Variants in KHSRP observed in about 807,000 individuals in gnomAD.
KHSRP encodes KH-type splicing regulatory protein, also known as far upstream element-binding protein 2.
A neutral mutation model predicts 94.9 loss-of-function variants in KHSRP; 13 were observed. The ratio of observed to expected loss-of-function variants is 0.14; its 90% CI spans 0.09 to 0.22. The LOEUF (loss-of-function observed/expected upper bound fraction) is 0.22, where lower values mean the gene tolerates loss of function less well. KHSRP is among the 10% of genes least tolerant of loss of function. KHSRP has a pLI of 1.00. For synonymous variants in KHSRP, 495 were observed against 401.4 expected (o/e 1.23, Z -2.79); for missense variants, 710 against 1,010.0 (o/e 0.70, Z 4.03).
chr19:6,422,052 C>A (rs1012503853), intron 2 of KHSRP, among the ~76,000 whole-genome samples: 2 of 152,190 alleles, frequency 1.3e-5, no homozygotes, highest in Non-Finnish European at 2.9e-5. Context: ...GCCAACTTCA[C>A]ATCAAGCCTC....
intron 2 of KHSRP, among the ~76,000 whole-genome samples, chr19:6,422,129 G>A (rs970940254): frequency 6.6e-6 from 1 of 152,136 alleles, no homozygotes; most frequent in African/African-American, 2.4e-5. Flanking sequence ...TTACAACTTC[G>A]ACCCAGTCAC....
At chr19:6,422,577 G>C (rs2092201620) in intron 1 of KHSRP, 141 bp from the exon 2 acceptor site, 1 of 630,472 alleles carries the variant, frequency 1.6e-6, no homozygotes. Flanking sequence ...GGAAGAGTCA[G>C]TTGGTTAAGA....
At position 6,414,736 on chromosome 19, in the gene KHSRP, G is replaced by T; in HGVS notation, c.*288C>A. ...AAAACCAAAAAAGTGATGCAGAGAA[G>T]GGGAAAAAATAGACGTTTTCTTCCC... is the stretch of plus-strand genomic sequence containing the variant. On this transcript the variant is annotated 3_prime_UTR_variant, in exon 19 of 19. Coordinates refer to ENST00000600480, the MANE Select transcript of KHSRP (RefSeq NM_001366299.1). 1 of 1,061,196 alleles carries T rather than the reference G, an allele frequency of 9.4e-7. No homozygotes were observed. Among genetic ancestry groups the T allele is most frequent in the Non-Finnish European group, 1.1e-6 (1 of 879,440 alleles). 65.7% of individuals were successfully genotyped at this position (1,061,196 alleles called of 1,614,324 possible). A position where few individuals can be genotyped will look rare whatever the true frequency, so the allele number is the denominator to read the frequency against.
chr19:6,420,196 AG>A, intron 5 of KHSRP, 52 bp from the exon 6 acceptor site: 2 of 1,503,810 alleles, frequency 1.3e-6, no homozygotes, highest in Non-Finnish European at 1.8e-6. Flanking sequence ...AAGGGAGCCC[AG>A]GCCTCAGGAG....
At position 6,414,205 on chromosome 19, in the gene KHSRP, A is replaced by G. The variant is rs781746819; in HGVS notation, c.*819T>C. 1.3e-6 allele frequency: 2 copies of G among 1,519,434 alleles called. No homozygotes were observed. Among genetic ancestry groups the G allele is most frequent in the Admixed American group, 4.6e-5 (2 of 43,470 alleles). 94.1% of individuals were successfully genotyped at this position (1,519,434 alleles called of 1,614,324 possible). The stretch of plus-strand genomic sequence containing the variant: ...GGGGCGGAAGAGAGGAGGGGCTGGA[A>G]CACCGTGGGGGGGGCCAGGAAGCCC... On this transcript the variant is annotated 3_prime_UTR_variant, in exon 19 of 19. Transcript: ENST00000600480.
intron 18 of KHSRP, 24 bp downstream of exon 18, chr19:6,415,356 T>C (rs764696482): frequency 9.9e-6 from 16 of 1,610,416 alleles, no homozygotes; most frequent in South Asian, 6.6e-5. Context: ...CCCCTGCCCC[T>C]GTCCCCGCAT....
In KHSRP at chr19:6,414,215, G is replaced by C; in HGVS notation, c.*809C>G. ...AGAGGAGGGGCTGGAACACCGTGGG[G>C]GGGGCCAGGAAGCCCCCTCCCAAAC... On this transcript the variant is annotated 3_prime_UTR_variant, in exon 19 of 19. Coordinates refer to ENST00000600480, the MANE Select transcript of KHSRP (RefSeq NM_001366299.1). The C allele has an allele frequency of 1.3e-6, 2 of 1,528,144 alleles. No homozygotes were observed. Among genetic ancestry groups the C allele is most frequent in the South Asian group, 2.5e-5 (2 of 80,646 alleles). The allele number at this position is 1,528,144 out of a possible 1,614,324, so 94.7% of individuals were successfully genotyped here. A position where few individuals can be genotyped will look rare whatever the true frequency, so the allele number is the denominator to read the frequency against.
Position 6,418,628 on chromosome 19 carries a change from C to A in KHSRP, c.781-47G>T, listed in dbSNP as rs572793705. 1.1e-5 allele frequency: 17 copies of A among 1,613,006 alleles called. No individual in the cohort carries two copies. The highest frequency in any genetic ancestry group is 1.4e-5 in the Non-Finnish European group (17 of 1,178,978). On this transcript the variant is annotated intron_variant, in intron 8 of 18. Coordinates refer to ENST00000600480, the MANE Select transcript of KHSRP (RefSeq NM_001366299.1). This position sits in a 1 kb window ranked among gnomAD's most constrained non-coding sequence, Gnocchi z 4.3. The stretch of plus-strand genomic sequence containing the variant: ...TTAGTGCTGGGCTCTCCCAGGACTT[C>A]CTGGGCTGCTGTGGTGGTGGCGGTG...
At position 6,413,331 on chromosome 19, in the gene KHSRP, C is replaced by T. The variant is rs1386573162; in HGVS notation, c.*1693G>A. The T allele has an allele frequency of 9.2e-6, 3 of 324,574 alleles. No homozygotes were observed. The highest frequency in any genetic ancestry group is 2.2e-5 in the South Asian group (1 of 44,944). 20.1% of individuals were successfully genotyped at this position (324,574 alleles called of 1,614,324 possible). On this transcript the variant is annotated 3_prime_UTR_variant, in exon 19 of 19. Transcript: ENST00000600480. Reference sequence around the variant, plus strand: ...AGGGAAGGAAAGGGGGGGAGACAGACAGCACCCGCAGACGGGGAGGTTTTG... The same window carrying T: ...AGGGAAGGAAAGGGGGGGAGACAGATAGCACCCGCAGACGGGGAGGTTTTG...
chr19:6,421,584 C>T, intron 3 of KHSRP, 66 bp downstream of exon 3: 1 of 1,557,652 alleles, frequency 6.4e-7, no homozygotes, highest in Non-Finnish European at 8.9e-7. Flanking sequence ...GTGCTTCCAG[C>T]TCCTGACTCC....
chr19:6,414,439 CG>C lies in KHSRP; in HGVS notation c.*584del. ...GAGGGCGGTGGCTCCCGGCGCAGCA[CG>C]ACGACATGAACAATCCAGAGATCAT... is the stretch of plus-strand genomic sequence containing the variant. On this transcript the variant is annotated 3_prime_UTR_variant, in exon 19 of 19. Transcript: ENST00000600480. 1 of 1,243,220 alleles carries C rather than the reference CG, an allele frequency of 8.0e-7. No homozygotes were observed. Among genetic ancestry groups the C allele is most frequent in the Non-Finnish European group, 1.0e-6 (1 of 990,022 alleles). The allele number at this position is 1,243,220 out of a possible 1,614,324, so 77.0% of individuals were successfully genotyped here. A position where few individuals can be genotyped will look rare whatever the true frequency, so the allele number is the denominator to read the frequency against.
rs772111382 is a variant in KHSRP, at chr19:6,414,339, G to T, written c.*685C>A. On this transcript the variant is annotated 3_prime_UTR_variant, in exon 19 of 19. Transcript: ENST00000600480. ...CGCTGCTCCCTGATGGAGAAGGAGG[G>T]ACAGAGCAGGAAGAGAGGAGAGGGG... 8 of 1,400,164 alleles carry T rather than the reference G, an allele frequency of 5.7e-6. No homozygotes were observed. Among genetic ancestry groups the T allele is most frequent in the Non-Finnish European group, 7.5e-6 (8 of 1,072,712 alleles). The allele number at this position is 1,400,164 out of a possible 1,614,324, so 86.7% of individuals were successfully genotyped here.
rs774294092 is a variant in KHSRP at position 6,418,851 on chromosome 19, T to C, written c.631A>G (p.Ile211Val). The part of the protein sequence containing the change: ...VQKAKMMLDD[I>V]VSRGRGGPPG... ...GGGCCCCCACGACCCCGAGACACAA[T>C]GTCATCCAGCATCATCTTGGCTTTC... Residue 211 changes from isoleucine (I) to valine (V), a missense_variant, in exon 8 of 19, where the codon ATT becomes GTT. Ile to Val is a conservative substitution (Grantham distance 29). This residue lies in a region of KHSRP where 288 missense variants were observed against 501.1 expected (regional missense o/e 0.57). Coordinates refer to ENST00000600480, the MANE Select transcript of KHSRP (RefSeq NM_001366299.1). The surrounding 1 kb of genome is among the most constrained non-coding windows in gnomAD (Gnocchi z 4.3). The C allele has an allele frequency of 5.1e-6, 8 of 1,557,038 alleles. No individual in the cohort carries two copies. In the East Asian group the frequency reaches 6.8e-5, roughly 13 times the overall value.
rs554522870 is a variant in KHSRP, at chr19:6,415,866, T to G, written c.1629A>C (p.Pro543=). The G allele has an allele frequency of 6.3e-4, 978 of 1,548,870 alleles. 1 individual carries two copies. The highest frequency in any genetic ancestry group is 7.7e-4 in the Non-Finnish European group (889 of 1,147,468). The part of the protein sequence containing the change: ...HAGGPPPHQY[P]PQGWGNTYPQ... ...GGTAGGTATTGCCCCAGCCCTGGGG[T>G]GGGTACTGGTGAGGAGGGGGCCCCC... is the stretch of plus-strand genomic sequence containing the variant. Residue 543 remains proline, a synonymous_variant, in exon 16 of 19, where the codon CCA becomes CCC. Coordinates refer to ENST00000600480, the MANE Select transcript of KHSRP (RefSeq NM_001366299.1).
At position 6,424,403 on chromosome 19, in the gene KHSRP, CCGCCTGCGCGCGCG is replaced by C. The variant is rs1011202568; in HGVS notation, c.249+36_249+49del. 4,881 of 960,054 alleles carry C rather than the reference CCGCCTGCGCGCGCG, an allele frequency of 5.1e-3. 21 individuals carry two copies. The highest frequency in any genetic ancestry group is 7.4e-3 in the Middle Eastern group (14 of 1,890). The allele number at this position is 960,054 out of a possible 1,614,324, so 59.5% of individuals were successfully genotyped here. On this transcript the variant is annotated intron_variant, in intron 1 of 18. Coordinates refer to ENST00000600480, the MANE Select transcript of KHSRP (RefSeq NM_001366299.1). ...GCGCACGTGACCCCCGCCCCCTCCC[CCGCCTGCGCGCGCG>C]CGCGAGCGCGCCCCTCAGGCCCTCG...
At position 6,418,104 on chromosome 19, in the gene KHSRP, C is replaced by A. The variant is rs779658802; in HGVS notation, c.880-25G>T. 2 of 1,606,422 alleles carry A rather than the reference C, an allele frequency of 1.2e-6. No individual in the cohort carries two copies. Among genetic ancestry groups the A allele is most frequent in the Admixed American group, 3.3e-5 (2 of 59,868 alleles). On this transcript the variant is annotated intron_variant, in intron 9 of 18. Coordinates refer to ENST00000600480, the MANE Select transcript of KHSRP (RefSeq NM_001366299.1). This position sits in a 1 kb window ranked among gnomAD's most constrained non-coding sequence, Gnocchi z 4.3. ...GCTGCAAACACACAGGAAGCAGCCC[C>A]CATGGGTGAGCCCTGCTGCCCCACA...
chr19:6,424,528 G>C lies in KHSRP; in HGVS notation c.174C>G (p.Pro58=). 1 of 982,408 alleles carries C rather than the reference G, an allele frequency of 1.0e-6. No homozygotes were observed. Among genetic ancestry groups the C allele is most frequent in the Non-Finnish European group, 1.2e-6 (1 of 829,120 alleles). 60.9% of individuals were successfully genotyped at this position (982,408 alleles called of 1,614,324 possible). A position where few individuals can be genotyped will look rare whatever the true frequency, so the allele number is the denominator to read the frequency against. Residue 58 remains proline, a synonymous_variant, in exon 1 of 19, where the codon CCC becomes CCG. Transcript: ENST00000600480. ...GGPGGGSAGG[P]SQPPGGGGPG... is the part of the protein sequence containing the mutation. ...GGCCGCCTCCGCCGGGTGGCTGAGA[G>C]GGGCCCCCGGCCGACCCCCCGCCCG...
Position 6,419,110 on chromosome 19 carries a change from G to T in KHSRP, c.605+93C>A, listed in dbSNP as rs751597562. On this transcript the variant is annotated intron_variant, in intron 7 of 18. Coordinates refer to ENST00000600480, the MANE Select transcript of KHSRP (RefSeq NM_001366299.1). ...GATGGGGGCAAGAATGGAGGACATG[G>T]CGTGCAAGTTGCTCCCAACTTTCAA... 143 of 1,258,860 alleles carry T rather than the reference G, an allele frequency of 1.1e-4. 1 individual carries two copies. Among genetic ancestry groups the T allele is most frequent in the Non-Finnish European group, 1.5e-4 (130 of 890,348 alleles). The allele number at this position is 1,258,860 out of a possible 1,614,324, so 78.0% of individuals were successfully genotyped here. A position where few individuals can be genotyped will look rare whatever the true frequency, so the allele number is the denominator to read the frequency against.
At chr19:6,415,932 T>G (rs779663300) in intron 15 of KHSRP, 36 bp from the exon 16 acceptor site, 2 of 1,347,656 alleles carry the variant, frequency 1.5e-6, no homozygotes, top group African/African-American at 2.9e-5. Context: ...TGAGCAGTGG[T>G]GCGGGGGTGG....
Sources: gnomAD v4.1 joint callset for allele counts (sites outside exome capture counted in the v4.1 genomes callset) on GRCh38, gnomAD v4.1.1 for gene constraint, gnomAD v4.1.1 regional missense constraint, Gnocchi (gnomAD v3.1) non-coding constraint, MANE v1.5 for transcripts, NCBI Gene and HGNC (gene_info 2026-07-23, HGNC 2026-07-21) for gene names.